The following FLI1 variants were observed in gnomAD, a reference collection of about 807,000 sequenced individuals.
FLI1 encodes Fli-1 proto-oncogene, ETS transcription factor, also known as Friend leukemia integration 1 transcription factor.
Under a neutral mutation model 53.1 loss-of-function variants are expected in FLI1, and 13 were observed. The observed-to-expected ratio is 0.24, with a 90% CI of 0.16 to 0.39. The LOEUF (loss-of-function observed/expected upper bound fraction) is 0.39. Ranked by LOEUF, FLI1 falls within the 10% of genes least tolerant of loss-of-function variation. The probability of loss-of-function intolerance (pLI) is 1.00; values close to 1 mark genes in which losing one functional copy is unlikely to be tolerated. For missense variants in FLI1, 424 were observed against 600.5 expected (o/e 0.71, Z 3.07); for synonymous variants, 244 against 236.7 (o/e 1.03, Z -0.28).
chr11:128,691,451 G>A (rs1296490746), upstream of FLI1, among the ~76,000 whole-genome samples: 1 of 152,124 alleles, frequency 6.6e-6, no homozygotes, highest in Non-Finnish European at 1.5e-5. Flanking sequence ...CTTCTTTCTG[G>A]GTGGAGACCT....
At chr11:128,738,055 G>C (rs1939980719) in intron 1 of FLI1, among the ~76,000 whole-genome samples, 1 of 152,132 alleles carries the variant, frequency 6.6e-6, no homozygotes, top group Non-Finnish European at 1.5e-5. Flanking sequence ...TCATGGCAAG[G>C]TTTTACCTTA....
At chr11:128,748,079 G>T (rs1399956551) in intron 1 of FLI1, among the ~76,000 whole-genome samples, 5 of 152,228 alleles carry the variant, frequency 3.3e-5, no homozygotes, top group African/African-American at 1.2e-4. Flanking sequence ...GGCCCGTGAG[G>T]CACAGAAGGC....
At chr11:128,752,286 G>A (rs1045513821) in intron 1 of FLI1, among the ~76,000 whole-genome samples, 45 of 152,164 alleles carry the variant, frequency 3.0e-4, no homozygotes, top group Admixed American at 2.0e-3. Flanking sequence ...ACATTTTTAA[G>A]TATTTACTTT....
rs601986 is a variant in FLI1, at chr11:128,750,169, C to A, written c.19-7946C>A. On this transcript the variant is annotated intron_variant, in intron 1 of 8. Coordinates refer to ENST00000527786, the MANE Select transcript of FLI1 (RefSeq NM_002017.5). ...CAGAGATTAGCCTTCCAGAGCCCTG[C>A]ACTGGGAGCGGCGGAGTGGGCCCAC... Among the ~76,000 whole-genome samples, 3 of 152,072 alleles carry A rather than the reference C, an allele frequency of 2.0e-5. No homozygotes were observed. The East Asian group carries it at 5.8e-4, about 29-fold the overall frequency.
At chr11:128,793,395 G>A (rs1431282109) in intron 5 of FLI1, among the ~76,000 whole-genome samples, 2 of 152,032 alleles carry the variant, frequency 1.3e-5, no homozygotes, top group Non-Finnish European at 1.5e-5. Flanking sequence ...GCCCTTGGTA[G>A]ATGAAGGAAT....
intron 3 of FLI1, among the ~76,000 whole-genome samples, chr11:128,769,510 G>A (rs1237137484): frequency 1.3e-5 from 2 of 152,168 alleles, no homozygotes; most frequent in African/African-American, 2.4e-5. Flanking sequence ...GGCCCGTGGT[G>A]TTTGTTTTCC....
intron 4 of FLI1, among the ~76,000 whole-genome samples, chr11:128,778,767 C>A (rs1037253364): frequency 1.3e-5 from 2 of 152,200 alleles, no homozygotes; most frequent in African/African-American, 4.8e-5. Context: ...GCAGCACAGG[C>A]CTGTGGCAGG....
Position 128,719,369 on chromosome 11 carries a change from G to A in FLI1, c.18+25093G>A, listed in dbSNP as rs1219156022. On this transcript the variant is annotated intron_variant, in intron 1 of 8. Transcript: ENST00000527786. ...CTCCCCTTTTCCCGTGTGTGTGTGTGTGTGTGTGTGTGTGTGTGTGTGTGT... is the reference window on the plus strand; with the variant it reads ...CTCCCCTTTTCCCGTGTGTGTGTGTATGTGTGTGTGTGTGTGTGTGTGTGT... Among the ~76,000 whole-genome samples, 5 of 49,862 alleles carry A rather than the reference G, an allele frequency of 1.0e-4. No individual in the cohort carries two copies. In the South Asian group the frequency reaches 4.5e-3, roughly 45 times the overall value. 32.7% of individuals were successfully genotyped at this position (49,862 alleles called of 152,430 possible).
chr11:128,809,473 C>T (rs1942880744), intron 8 of FLI1, among the ~76,000 whole-genome samples: 1 of 152,044 alleles, frequency 6.6e-6, no homozygotes, highest in Non-Finnish European at 1.5e-5. Flanking sequence ...TAATAAGTGG[C>T]ACAGGTAGGT....
chr11:128,703,490 C>T (rs77927302), intron 1 of FLI1, among the ~76,000 whole-genome samples: 4,553 of 152,172 alleles, frequency 0.03, 270 homozygotes, highest in East Asian at 0.27. Context: ...AATCAATTGT[C>T]GTATACACTG....
At chr11:128,734,179 T>C (rs746267701) in intron 1 of FLI1, among the ~76,000 whole-genome samples, 4 of 152,208 alleles carry the variant, frequency 2.6e-5, no homozygotes, top group Non-Finnish European at 4.4e-5. Flanking sequence ...CAGGGGAAGC[T>C]ATAGAAAGGA....
At chr11:128,802,931 C>T (rs3758770) in intron 5 of FLI1, among the ~76,000 whole-genome samples, 9,628 of 152,272 alleles carry the variant, frequency 0.063, 463 homozygotes, top group East Asian at 0.17. Flanking sequence ...AAGAAGTCAA[C>T]GATAACTATA....
upstream of FLI1, chr11:128,692,256 A>G (rs1937772814): frequency 6.6e-6 from 1 of 152,150 alleles, no homozygotes; most frequent in South Asian, 2.1e-4. Flanking sequence ...CGCGGGGAGG[A>G]AAGGGTTAAG....
intron 2 of FLI1, among the ~76,000 whole-genome samples, chr11:128,765,828 A>C (rs902704888): frequency 2.6e-5 from 4 of 151,910 alleles, no homozygotes; most frequent in African/African-American, 9.7e-5. Context: ...CTGTGTTTGC[A>C]TGTGTGTGCA....
chr11:128,758,429 T>G, intron 2 of FLI1, 103 bp downstream of exon 2: 3 of 907,986 alleles, frequency 3.3e-6, no homozygotes, highest in African/African-American at 1.6e-5. Flanking sequence ...GATGGGGCTC[T>G]AGAGCTGGGC....
chr11:128,771,599 T>G (rs999744004), intron 3 of FLI1, among the ~76,000 whole-genome samples: 3 of 152,116 alleles, frequency 2.0e-5, no homozygotes, highest in African/African-American at 7.2e-5. Flanking sequence ...AGAGGGTGAG[T>G]TGCTTGAGGG....
At chr11:128,808,093 CTG>C (rs1942832407) in intron 7 of FLI1, among the ~76,000 whole-genome samples, 1 of 152,154 alleles carries the variant, frequency 6.6e-6, no homozygotes. Context: ...AATTTGCTGA[CTG>C]TGGATCATAA....
At position 128,811,102 on chromosome 11, in the gene FLI1, T is replaced by TCCAA; in HGVS notation, c.*115_*116insCAAC. The TCCAA allele has an allele frequency of 1.0e-6, 1 of 1,003,100 alleles. No individual in the cohort carries two copies. The highest frequency in any genetic ancestry group is 1.5e-6 in the Non-Finnish European group (1 of 656,248). 62.1% of individuals were successfully genotyped at this position (1,003,100 alleles called of 1,614,324 possible). A position where few individuals can be genotyped will look rare whatever the true frequency, so the allele number is the denominator to read the frequency against. On this transcript the variant is annotated 3_prime_UTR_variant, in exon 9 of 9. Coordinates refer to ENST00000527786, the MANE Select transcript of FLI1 (RefSeq NM_002017.5). The stretch of plus-strand genomic sequence containing the variant: ...AGGGAAGACAAAACTGGATGTTCTT[T>TCCAA]CTTGTTGGATAGAACCTTTGTATTT...
chr11:128,780,659 CTG>C (rs1387967682), intron 4 of FLI1, among the ~76,000 whole-genome samples: 21 of 152,214 alleles, frequency 1.4e-4, no homozygotes, highest in African/African-American at 5.1e-4. Context: ...CACATTTTCT[CTG>C]AGGCACACAA....
Sources: allele counts gnomAD v4.1 joint callset (sites outside exome capture counted in the v4.1 genomes callset), GRCh38; gene constraint gnomAD v4.1.1; transcripts MANE v1.5; gene names NCBI Gene and HGNC (gene_info 2026-07-23, HGNC 2026-07-21).